L3MBTL4: variants seen among roughly 807,000 people sequenced by gnomAD.
L3MBTL4 encodes lethal(3)malignant brain tumor-like protein 4.
Under a neutral mutation model 84.5 loss-of-function variants are expected in L3MBTL4, and 70 were observed. The observed-to-expected ratio is 0.83, with a 90% CI of 0.68 to 1.01. The LOEUF (loss-of-function observed/expected upper bound fraction) is 1.01, where lower values mean the gene tolerates loss of function less well. Among genes scored for constraint, L3MBTL4 ranks in the 50% least tolerant of loss-of-function variants. The pLI, the probability that L3MBTL4 is intolerant of heterozygous loss-of-function variation, is 0.00. For synonymous variants in L3MBTL4, 274 were observed against 259.8 expected (o/e 1.05, Z -0.52); for missense variants, 715 against 754.8 (o/e 0.95, Z 0.62).
intron 10 of L3MBTL4, among the ~76,000 whole-genome samples, chr18:6,230,391 A>C (rs970462735): frequency 1.3e-5 from 2 of 152,064 alleles, no homozygotes; most frequent in African/African-American, 4.8e-5. Context: ...CTCCATCCAC[A>C]TTGCTATAAA....
At chr18:6,039,015 C>T (rs917859145) in intron 16 of L3MBTL4, among the ~76,000 whole-genome samples, 1 of 151,902 alleles carries the variant, frequency 6.6e-6, no homozygotes, top group East Asian at 1.9e-4. Context: ...CTCTCTCCCC[C>T]AACCTCCCTT....
chr18:6,405,533 A>G (rs1380951161), intron 1 of L3MBTL4, among the ~76,000 whole-genome samples: 1 of 152,190 alleles, frequency 6.6e-6, no homozygotes, highest in Non-Finnish European at 1.5e-5. Context: ...CAGTGTCAGC[A>G]CAGGCCCTGA....
chr18:6,021,977 A>T (rs73376063), intron 16 of L3MBTL4, among the ~76,000 whole-genome samples: 5,401 of 152,264 alleles, frequency 0.035, 327 homozygotes, highest in African/African-American at 0.12. Flanking sequence ...ACTACCAGGC[A>T]TCTTCTGCCA....
At chr18:6,285,756 A>T (rs959225054) in intron 4 of L3MBTL4, among the ~76,000 whole-genome samples, 1 of 151,750 alleles carries the variant, frequency 6.6e-6, no homozygotes, top group African/African-American at 2.4e-5. Flanking sequence ...CACCAATCAG[A>T]GCTTGCCAGC....
intron 16 of L3MBTL4, among the ~76,000 whole-genome samples, chr18:6,040,538 G>A (rs1218672901): frequency 3.9e-5 from 6 of 152,140 alleles, no homozygotes; most frequent in Admixed American, 6.5e-5. Context: ...AGTACCTGCC[G>A]TGGGTCTGTA....
chr18:6,277,961 C>A (rs1224771161), intron 4 of L3MBTL4, among the ~76,000 whole-genome samples: 1 of 151,878 alleles, frequency 6.6e-6, no homozygotes, highest in Non-Finnish European at 1.5e-5. Flanking sequence ...AAATATGCAG[C>A]TAAGTGGAGG....
chr18:6,308,961 C>A (rs1184792417), intron 3 of L3MBTL4, among the ~76,000 whole-genome samples: 1 of 152,072 alleles, frequency 6.6e-6, no homozygotes. Context: ...TCTAGAAATA[C>A]ATAGAAAATA....
intron 8 of L3MBTL4, among the ~76,000 whole-genome samples, 199 bp from the exon 9 acceptor site, chr18:6,240,071 A>C (rs1418384323): frequency 6.6e-6 from 1 of 152,226 alleles, no homozygotes; most frequent in Non-Finnish European, 1.5e-5. Context: ...AGGCCCAGGA[A>C]ACTAGCTTTC....
intron 13 of L3MBTL4, among the ~76,000 whole-genome samples, chr18:6,163,546 T>C (rs1431163390): frequency 6.6e-6 from 1 of 151,724 alleles, no homozygotes; most frequent in African/African-American, 2.4e-5. Context: ...AAACTGAAAA[T>C]CATAACCAAC....
chr18:6,333,163 T>C (rs928365146), intron 1 of L3MBTL4, among the ~76,000 whole-genome samples: 10 of 151,460 alleles, frequency 6.6e-5, no homozygotes, highest in African/African-American at 1.9e-4. Context: ...AATTAAGAGC[T>C]GCCACAAAAT....
chr18:6,041,500 T>G (rs1159836465), intron 16 of L3MBTL4, among the ~76,000 whole-genome samples: 1 of 137,186 alleles, frequency 7.3e-6, no homozygotes, highest in East Asian at 2.2e-4. Flanking sequence ...ATGCTCCACA[T>G]CCCCTTATTT....
intron 17 of L3MBTL4, among the ~76,000 whole-genome samples, chr18:5,963,892 A>T (rs1366724434): frequency 1.3e-5 from 2 of 152,138 alleles, no homozygotes; most frequent in South Asian, 4.1e-4. Flanking sequence ...GAGGGGCATG[A>T]CCTCTGCAGA....
rs1256578452 is a variant in L3MBTL4, at chr18:6,163,262, G to T, written c.1096+8566C>A. ...TTTGTCTACGGGTGTGTGTGTGTGGGGGGGGGGTGGGTGTGTGTGTGTGTG... is the reference window on the plus strand; with the variant it reads ...TTTGTCTACGGGTGTGTGTGTGTGGTGGGGGGGTGGGTGTGTGTGTGTGTG... On this transcript the variant is annotated intron_variant, in intron 13 of 18. Transcript: ENST00000317931. 1.7e-3 allele frequency among the ~76,000 whole-genome samples: 177 copies of T among 105,344 alleles called. 2 individuals are homozygous for T. The highest frequency in any genetic ancestry group is 8.9e-3 in the Middle Eastern group (2 of 224). The allele number at this position is 105,344 out of a possible 152,430, so 69.1% of individuals were successfully genotyped here. A position where few individuals can be genotyped will look rare whatever the true frequency, so the allele number is the denominator to read the frequency against.
At chr18:6,158,817 C>T (rs563648504) in intron 13 of L3MBTL4, among the ~76,000 whole-genome samples, 5 of 152,274 alleles carry the variant, frequency 3.3e-5, no homozygotes, top group Admixed American at 6.5e-5. Flanking sequence ...GAAGTTCTTA[C>T]GTGCCTCAGT....
chr18:6,097,994 C>T (rs1338975512), intron 14 of L3MBTL4, among the ~76,000 whole-genome samples: 2 of 152,210 alleles, frequency 1.3e-5, no homozygotes, highest in Non-Finnish European at 2.9e-5. Context: ...GGGATCCCTC[C>T]CTTCCTCTTG....
chr18:5,993,016 G>T (rs954764483), intron 16 of L3MBTL4, among the ~76,000 whole-genome samples: 2 of 152,330 alleles, frequency 1.3e-5, no homozygotes, highest in East Asian at 3.9e-4. Flanking sequence ...GGGCACAGAT[G>T]ATGGGTTGGT....
intron 10 of L3MBTL4, among the ~76,000 whole-genome samples, chr18:6,230,993 G>A (rs562626513): frequency 9.7e-4 from 148 of 152,094 alleles, no homozygotes; most frequent in Admixed American, 2.8e-3. Flanking sequence ...TTTTGTCAAT[G>A]CATAGTTTGC....
intron 14 of L3MBTL4, among the ~76,000 whole-genome samples, chr18:6,128,818 T>C (rs2059783388): frequency 6.6e-6 from 1 of 152,006 alleles, no homozygotes; most frequent in South Asian, 2.1e-4. Context: ...AGGAAAGACC[T>C]GGAAGGCAGC....
At chr18:6,257,411 A>G (rs1323788271) in intron 5 of L3MBTL4, among the ~76,000 whole-genome samples, 1 of 152,030 alleles carries the variant, frequency 6.6e-6, no homozygotes, top group East Asian at 1.9e-4. Flanking sequence ...AGCTGGATGA[A>G]CTGACCCAAA....
Sources: allele counts gnomAD v4.1 joint callset (sites outside exome capture counted in the v4.1 genomes callset), GRCh38; gene constraint gnomAD v4.1.1; transcripts MANE v1.5; gene names NCBI Gene and HGNC (gene_info 2026-07-23, HGNC 2026-07-21).